Variants in POLA2 observed in about 807,000 individuals in gnomAD.
The protein encoded by POLA2 is DNA polymerase alpha 2, accessory subunit.
POLA2 carries 47 observed loss-of-function variants against 82.8 expected under a neutral mutation model. The ratio of observed to expected loss-of-function variants is 0.57; its 90% CI spans 0.45 to 0.72. The LOEUF is 0.72. Ranked by LOEUF, POLA2 falls within the 30% of genes least tolerant of loss-of-function variation. The pLI, the probability that POLA2 is intolerant of heterozygous loss-of-function variation, is 0.00. For synonymous variants in POLA2, 287 were observed against 286.8 expected (o/e 1.00, Z -0.01); for missense variants, 634 against 728.1 (o/e 0.87, Z 1.49).
chr11:65,293,574 A>G (rs1403394587), intron 13 of POLA2, among the ~76,000 whole-genome samples: 2 of 144,868 alleles, frequency 1.4e-5, no homozygotes, highest in African/African-American at 5.2e-5. Flanking sequence ...ATGCCACTGC[A>G]CTCCGGCCTG....
At chr11:65,263,230 T>C (rs943149247) in intron 1 of POLA2, among the ~76,000 whole-genome samples, 2 of 150,306 alleles carry the variant, frequency 1.3e-5, no homozygotes, top group Non-Finnish European at 3.0e-5. Flanking sequence ...CTTTTTTTTT[T>C]TTTTTTTTTT....
intron 3 of POLA2, among the ~76,000 whole-genome samples, 180 bp from the exon 4 acceptor site, chr11:65,268,492 C>T (rs902257207): frequency 5.3e-5 from 8 of 151,560 alleles, no homozygotes; most frequent in Non-Finnish European, 1.0e-4. Flanking sequence ...GCTGGGACTA[C>T]AGGCGCCCGG....
chr11:65,291,518 T>C (rs923039838), intron 13 of POLA2, among the ~76,000 whole-genome samples: 29 of 152,158 alleles, frequency 1.9e-4, no homozygotes, highest in African/African-American at 7.0e-4. Context: ...TTCCCCAGAT[T>C]TGCTGTGATC....
At chr11:65,272,709 T>A (rs1422482557) in intron 4 of POLA2, among the ~76,000 whole-genome samples, 1 of 152,140 alleles carries the variant, frequency 6.6e-6, no homozygotes, top group African/African-American at 2.4e-5. Context: ...TGACTACATT[T>A]CTGATTAAAA....
chr11:65,294,534 T>C lies in POLA2; in HGVS notation c.1354-12T>C. 1 of 1,597,064 alleles carries C rather than the reference T, an allele frequency of 6.3e-7. No homozygotes were observed. Among genetic ancestry groups the C allele is most frequent in the Admixed American group, 1.7e-5 (1 of 58,798 alleles). ...GCATACAAATGTTTGTTTCAATCCG[T>C]TCTCATTTTAGCAAGTACAGTTTGT... is the stretch of plus-strand genomic sequence containing the variant. On this transcript the variant is annotated splice_polypyrimidine_tract_variant and intron_variant, in intron 14 of 17. Coordinates refer to ENST00000265465, the MANE Select transcript of POLA2 (RefSeq NM_002689.4).
downstream of POLA2, among the ~76,000 whole-genome samples, chr11:65,302,286 AGT>A (rs1194444941): frequency 1.3e-5 from 2 of 152,108 alleles, no homozygotes. Flanking sequence ...CCACCCAAAG[AGT>A]GAGAAAAGCT....
rs146136818 is a variant in POLA2, at chr11:65,290,427, T to C, written c.1244+555T>C. Reference sequence around the variant, plus strand: ...GGCACATGCCTGTAATCCCAACTACTGCGGAGGCTGAGGCAGGAGAATCTC... The same window carrying C: ...GGCACATGCCTGTAATCCCAACTACCGCGGAGGCTGAGGCAGGAGAATCTC... On this transcript the variant is annotated intron_variant, in intron 13 of 17. Transcript: ENST00000265465. Among the ~76,000 whole-genome samples the C allele has an allele frequency of 9.1e-3, 1,378 of 152,128 alleles. 10 individuals are homozygous for C. Among genetic ancestry groups the C allele is most frequent in the Middle Eastern group, 0.027 (8 of 294 alleles).
intron 4 of POLA2, among the ~76,000 whole-genome samples, chr11:65,270,671 C>T (rs1033592685): frequency 1.3e-5 from 2 of 152,162 alleles, no homozygotes; most frequent in African/African-American, 2.4e-5. Context: ...TGTCATCCCT[C>T]TCCAGGATCT....
At chr11:65,304,706 C>T (rs557644914) in intron 8 of POLA2, among the ~76,000 whole-genome samples, 161 of 152,230 alleles carry the variant, frequency 1.1e-3, no homozygotes, top group Non-Finnish European at 1.9e-3. Context: ...GGGAGCAAAT[C>T]GCAGGGCTCA....
chr11:65,289,221 G>A (rs1949729613), intron 12 of POLA2, 133 bp downstream of exon 12: 1 of 676,126 alleles, frequency 1.5e-6, no homozygotes, highest in African/African-American at 1.8e-5. Context: ...AATCATTTTA[G>A]CAGAGCACTT....
In POLA2 at chr11:65,294,816, A is replaced by C; in HGVS notation, c.1460+164A>C. The C allele has an allele frequency of 1.1e-5, 6 of 524,658 alleles. No individual in the cohort carries two copies. The South Asian group carries it at 1.7e-4, about 15-fold the overall frequency. The allele number at this position is 524,658 out of a possible 1,614,324, so 32.5% of individuals were successfully genotyped here. ...AGCCATCTGAGTTTCTCTGTACCCAAGGGGAGGGGTTGGATGCATTAGTTT... is the reference window on the plus strand; with the variant it reads ...AGCCATCTGAGTTTCTCTGTACCCACGGGGAGGGGTTGGATGCATTAGTTT... On this transcript the variant is annotated intron_variant, in intron 15 of 17. Coordinates refer to ENST00000265465, the MANE Select transcript of POLA2 (RefSeq NM_002689.4).
rs764101844 is a variant in POLA2, at chr11:65,278,800, C to T, written c.532C>T (p.Gln178Ter). 4 of 1,613,676 alleles carry T rather than the reference C, an allele frequency of 2.5e-6. No homozygotes were observed. The highest frequency in any genetic ancestry group is 3.4e-6 in the Non-Finnish European group (4 of 1,179,986). Residue 178 changes from glutamine (Q) to a stop codon, truncating the protein, a stop_gained, in exon 6 of 18, where the codon CAG (glutamine) becomes TAG (stop). Coordinates refer to ENST00000265465, the MANE Select transcript of POLA2 (RefSeq NM_002689.4). LOFTEE classifies it high-confidence loss of function. ...GEVVTSFGLA[Q>*]GVSWSGRGGA... ...AGTGGTTACCTCCTTCGGCTTAGCA[C>T]AGGGAGTATCTTGGTCTGGGAGAGG...
intron 11 of POLA2, among the ~76,000 whole-genome samples, chr11:65,288,788 A>G (rs1413776392): frequency 1.3e-5 from 2 of 152,164 alleles, no homozygotes; most frequent in African/African-American, 2.4e-5. Flanking sequence ...CCAAAGTGCT[A>G]GGATTACAGA....
chr11:65,263,690 G>A (rs1189702731), intron 1 of POLA2, among the ~76,000 whole-genome samples: 1 of 152,070 alleles, frequency 6.6e-6, no homozygotes, highest in Non-Finnish European at 1.5e-5. Flanking sequence ...AGTCGGGCGT[G>A]GTGGCGCATG....
At chr11:65,276,275 C>T (rs766268380) in intron 5 of POLA2, among the ~76,000 whole-genome samples, 4 of 152,188 alleles carry the variant, frequency 2.6e-5, no homozygotes, top group African/African-American at 9.7e-5. Context: ...GTATTGAAAA[C>T]AACCTGTCTA....
chr11:65,280,957 A>G (rs894065079), intron 7 of POLA2, 35 bp from the exon 8 acceptor site: 10 of 1,602,602 alleles, frequency 6.2e-6, no homozygotes, highest in Non-Finnish European at 8.5e-6. Context: ...TGCTCCAAAG[A>G]CTGTCATTCT....
At chr11:65,263,115 ACTT>A (rs1949417626) in intron 1 of POLA2, among the ~76,000 whole-genome samples, 1 of 152,120 alleles carries the variant, frequency 6.6e-6, no homozygotes, top group South Asian at 2.1e-4. Flanking sequence ...AACACTTTGA[ACTT>A]CTTATATACA....
intron 13 of POLA2, among the ~76,000 whole-genome samples, chr11:65,291,474 C>T (rs1949754668): frequency 6.6e-6 from 1 of 152,194 alleles, no homozygotes; most frequent in South Asian, 2.1e-4. Context: ...TCCCCTGCCT[C>T]CCTCAGATGA....
Position 65,275,916 on chromosome 11 carries a change from A to T in POLA2, c.379A>T (p.Thr127Ser), listed in dbSNP as rs750871810. Residue 127 changes from threonine (T) to serine (S), a missense_variant, in exon 5 of 18, where the codon ACC becomes TCC. Thr to Ser is a moderately conservative substitution (Grantham distance 58). Transcript: ENST00000265465. ...GGGTTCTCAGAAGCGAGCTATCTCT[A>T]CCCCAGAAACCCCCCTAACAAAAAG... ...SKGSQKRAIS[T>S]PETPLTKRSV... The T allele has an allele frequency of 6.2e-7, 1 of 1,607,196 alleles. No homozygotes were observed. The highest frequency in any genetic ancestry group is 8.5e-7 in the Non-Finnish European group (1 of 1,176,750).
Sources: gnomAD v4.1 joint callset for allele counts (sites outside exome capture counted in the v4.1 genomes callset) on GRCh38, gnomAD v4.1.1 for gene constraint, MANE v1.5 for transcripts, NCBI Gene and HGNC (gene_info 2026-07-23, HGNC 2026-07-21) for gene names.